GAREM1: variants seen among roughly 807,000 people sequenced by gnomAD.
The protein encoded by GAREM1 is GRB2-associated and regulator of MAPK protein 1.
In GAREM1, 26 loss-of-function variants were observed where a neutral mutation model predicts 71.3. That is an observed-to-expected ratio of 0.36 (90% CI 0.27 to 0.51). The LOEUF (loss-of-function observed/expected upper bound fraction) is 0.51, where lower values mean the gene tolerates loss of function less well. GAREM1 is among the 20% of genes least tolerant of loss of function. GAREM1 has a pLI of 0.95. For synonymous variants in GAREM1, 440 were observed against 433.2 expected, an observed-to-expected ratio of 1.02 and a Z score of -0.20; for missense variants, 1,026 against 1,103.1, an observed-to-expected ratio of 0.93 and a Z score of 0.99.
intron 2 of GAREM1, among the ~76,000 whole-genome samples, chr18:32,329,917 G>A (rs2047515109): frequency 6.6e-6 from 1 of 152,040 alleles, no homozygotes; most frequent in Non-Finnish European, 1.5e-5. Flanking sequence ...ACACAAGAGT[G>A]TCGGGGGAAT....
rs747002028 is a variant in GAREM1, at chr18:32,287,436, C to T, written c.1161G>A (p.Ser387=). ...DELTQSFHRL[S]VCVYGNNLHG... ...GGAGATTGTTGCCATACACACAGAC[C>T]GAGAGTCGGTGGAAGGACTGGGTGA... Residue 387 remains serine, a synonymous_variant, in exon 4 of 6, where the codon TCG becomes TCA. Coordinates refer to ENST00000269209, the MANE Select transcript of GAREM1 (RefSeq NM_001242409.2). The surrounding 1 kb of genome is among the most constrained non-coding windows in gnomAD (Gnocchi z 5.9). 19 of 1,614,044 alleles carry T rather than the reference C, an allele frequency of 1.2e-5. No homozygotes were observed. The highest frequency in any genetic ancestry group is 2.2e-5 in the South Asian group (2 of 91,072).
At chr18:32,438,216 A>G (rs191278676) in intron 1 of GAREM1, among the ~76,000 whole-genome samples, 450 of 152,322 alleles carry the variant, frequency 3.0e-3, no homozygotes, top group Non-Finnish European at 5.1e-3. Context: ...ATAAAAGACA[A>G]AAATAAACCG....
At chr18:32,341,420 A>G (rs891211437) in intron 2 of GAREM1, among the ~76,000 whole-genome samples, 1 of 152,168 alleles carries the variant, frequency 6.6e-6, no homozygotes, top group Non-Finnish European at 1.5e-5. Context: ...GCTATTGTGA[A>G]TAGTGTCACA....
chr18:32,317,578 T>C (rs2047391048), intron 2 of GAREM1, among the ~76,000 whole-genome samples: 2 of 151,986 alleles, frequency 1.3e-5, no homozygotes. Context: ...AAGTAAAAGC[T>C]GTAGAAGTGG....
chr18:32,439,407 C>T (rs1048072654), intron 1 of GAREM1, among the ~76,000 whole-genome samples: 2 of 152,082 alleles, frequency 1.3e-5, no homozygotes, highest in South Asian at 2.1e-4. Flanking sequence ...ATCAAGAACC[C>T]GAAGCAGGCA....
chr18:32,393,042 A>C lies in GAREM1; in HGVS notation c.122-7T>G, dbSNP rs747025461. ...AGCCCTTCTACGCACTCTCCTAGGA[A>C]ATACAATTTTATATGAGAAACTTAG... is the stretch of plus-strand genomic sequence containing the variant. On this transcript the variant is annotated splice_region_variant and splice_polypyrimidine_tract_variant and intron_variant, in intron 1 of 5. Coordinates refer to ENST00000269209, the MANE Select transcript of GAREM1 (RefSeq NM_001242409.2). The C allele has an allele frequency of 6.8e-6, 11 of 1,607,126 alleles. No individual in the cohort carries two copies. The highest frequency in any genetic ancestry group is 2.7e-5 in the African/African-American group (2 of 74,766).
chr18:32,287,191 G>C lies in GAREM1; in HGVS notation c.1406C>G (p.Thr469Ser). 2 of 1,614,244 alleles carry C rather than the reference G, an allele frequency of 1.2e-6. No individual in the cohort carries two copies. Residue 469 changes from threonine to serine, a missense_variant, in exon 4 of 6, where the codon ACT (threonine) becomes AGT (serine). This residue lies in a region of GAREM1 where 636 missense variants were observed against 631.2 expected (regional missense o/e 1.01). Coordinates refer to ENST00000269209, the MANE Select transcript of GAREM1 (RefSeq NM_001242409.2). The surrounding 1 kb of genome is among the most constrained non-coding windows in gnomAD (Gnocchi z 5.9). ...TCTGTTCTTCTCGCTCAGAGAGCGA[G>C]TGAGAGGCTGATGGCTGGGCTTGCC... ...EEGKPSHQPL[T>S]RSLSEKNRCD... is the part of the protein sequence containing the mutation.
At chr18:32,400,022 A>T (rs2048297109) in intron 1 of GAREM1, among the ~76,000 whole-genome samples, 1 of 152,190 alleles carries the variant, frequency 6.6e-6, no homozygotes, top group South Asian at 2.1e-4. Context: ...AATACCACAC[A>T]TCTATAACCA....
At chr18:32,370,441 G>A (rs899690103) in intron 2 of GAREM1, among the ~76,000 whole-genome samples, 18 of 149,376 alleles carry the variant, frequency 1.2e-4, no homozygotes, top group African/African-American at 3.4e-4. Context: ...AAAAAAAAGC[G>A]TAAGGTGAAT....
At position 32,270,307 on chromosome 18, in the gene GAREM1, G is replaced by A; in HGVS notation, c.1643C>T (p.Ser548Phe). ...RSAKPLSTSP[S>F]IPPRTVKPAR... ...TGGCTTGACTGTGCGAGGAGGGATG[G>A]AGGGACTGGTGGACAAAGGCTTTGC... The change falls in exon 5 of 6, where the codon TCC (serine) becomes TTC (phenylalanine). Residue 548 changes from serine (S) to phenylalanine (F), a missense_variant. Transcript: ENST00000269209. 1 of 1,614,082 alleles carries A rather than the reference G, an allele frequency of 6.2e-7. No individual in the cohort carries two copies. The highest frequency in any genetic ancestry group is 8.5e-7 in the Non-Finnish European group (1 of 1,179,970).
intron 2 of GAREM1, among the ~76,000 whole-genome samples, chr18:32,372,458 C>T (rs954849716): frequency 1.3e-5 from 2 of 152,110 alleles, no homozygotes; most frequent in Non-Finnish European, 2.9e-5. Context: ...TAAAAATTAC[C>T]CACTTGAAAT....
chr18:32,322,059 A>G (rs1202363120), intron 2 of GAREM1, among the ~76,000 whole-genome samples: 1 of 152,230 alleles, frequency 6.6e-6, no homozygotes, highest in African/African-American at 2.4e-5. Flanking sequence ...AAAGATTTCT[A>G]TAATTACCCT....
At chr18:32,380,097 A>G (rs1034663236) in intron 2 of GAREM1, among the ~76,000 whole-genome samples, 1 of 151,950 alleles carries the variant, frequency 6.6e-6, no homozygotes, top group African/African-American at 2.4e-5. Context: ...TATCAGTTTC[A>G]CACAGTGTGT....
intron 1 of GAREM1, among the ~76,000 whole-genome samples, chr18:32,424,954 G>A (rs779787655): frequency 5.3e-5 from 8 of 152,114 alleles, no homozygotes; most frequent in East Asian, 1.9e-4. Flanking sequence ...ATATCAAACC[G>A]TTCTAAAGAA....
rs142560529 is a variant in GAREM1 at position 32,287,348 on chromosome 18, G to A, written c.1249C>T (p.Pro417Ser). 9 of 1,614,074 alleles carry A rather than the reference G, an allele frequency of 5.6e-6. No individual in the cohort carries two copies. The highest frequency in any genetic ancestry group is 6.8e-6 in the Non-Finnish European group (8 of 1,180,038). ...RDLGGDWAPF[P>S]HDILPYQDSG... Reference sequence around the variant, plus strand: ...TCCTGATAGGGCAGGATGTCATGAGGAAAGGGAGCCCAATCTCCCCCCAGG... The same window carrying A: ...TCCTGATAGGGCAGGATGTCATGAGAAAAGGGAGCCCAATCTCCCCCCAGG... Residue 417 changes from proline to serine, a missense_variant, in exon 4 of 6, where the codon CCT (proline) becomes TCT (serine). Pro to Ser is a moderately conservative substitution (Grantham distance 74). Transcript: ENST00000269209. This position sits in a 1 kb window ranked among gnomAD's most constrained non-coding sequence, Gnocchi z 5.9.
chr18:32,283,390 C>G (rs1404426579), intron 4 of GAREM1, among the ~76,000 whole-genome samples: 3 of 151,794 alleles, frequency 2.0e-5, no homozygotes, highest in Non-Finnish European at 2.9e-5. Context: ...ACTAAAAATA[C>G]AAAAAAATTA....
intron 2 of GAREM1, among the ~76,000 whole-genome samples, chr18:32,339,763 A>G (rs2047631439): frequency 6.6e-6 from 1 of 152,238 alleles, no homozygotes; most frequent in South Asian, 2.1e-4. Flanking sequence ...GAAAGTCAAA[A>G]TCCAGAAAGT....
chr18:32,441,973 T>C (rs755325760), intron 1 of GAREM1, among the ~76,000 whole-genome samples: 14 of 151,490 alleles, frequency 9.2e-5, no homozygotes, highest in Non-Finnish European at 1.8e-4. Flanking sequence ...CCATCCATAA[T>C]CAAGGCAGGT....
chr18:32,293,647 G>C (rs2047109910), intron 3 of GAREM1, among the ~76,000 whole-genome samples: 1 of 152,114 alleles, frequency 6.6e-6, no homozygotes, highest in South Asian at 2.1e-4. Flanking sequence ...ATAGGAGTTT[G>C]ATTAAGGAGG....
Sources: gnomAD v4.1 joint callset for allele counts (sites outside exome capture counted in the v4.1 genomes callset) on GRCh38, gnomAD v4.1.1 for gene constraint, gnomAD v4.1.1 regional missense constraint, Gnocchi (gnomAD v3.1) non-coding constraint, MANE v1.5 for transcripts, NCBI Gene and HGNC (gene_info 2026-07-23, HGNC 2026-07-21) for gene names.